Variants in STXBP5 observed in about 807,000 individuals in gnomAD.
STXBP5 encodes syntaxin binding protein 5, also known as syntaxin-binding protein 5.
A neutral mutation model predicts 152.4 loss-of-function variants in STXBP5; 50 were observed. That is an observed-to-expected ratio of 0.33 (90% CI 0.26 to 0.42). The LOEUF (loss-of-function observed/expected upper bound fraction) is 0.42. Ranked by LOEUF, STXBP5 falls within the 10% of genes least tolerant of loss-of-function variation. STXBP5 has a pLI of 1.00. For synonymous variants in STXBP5, 492 were observed against 494.7 expected (o/e 0.99, Z 0.07); for missense variants, 1,167 against 1,388.6 (o/e 0.84, Z 2.54).
chr6:147,389,433 G>A lies in STXBP5; in HGVS notation c.*4678G>A, dbSNP rs1786489598. Reference sequence around the variant, plus strand: ...CAGTCAAATTAATTTTAACAATATAGGCACAATTCATTTACAAATTCAGTA... The same window carrying A: ...CAGTCAAATTAATTTTAACAATATAAGCACAATTCATTTACAAATTCAGTA... On this transcript the variant is annotated 3_prime_UTR_variant, in exon 28 of 28. Transcript: ENST00000321680. 1 of 151,658 alleles carries A rather than the reference G, an allele frequency of 6.6e-6. No homozygotes were observed. Among genetic ancestry groups the A allele is most frequent in the Admixed American group, 6.6e-5 (1 of 15,214 alleles). 9.4% of individuals were successfully genotyped at this position (151,658 alleles called of 1,614,324 possible). A position where few individuals can be genotyped will look rare whatever the true frequency, so the allele number is the denominator to read the frequency against.
In STXBP5 at chr6:147,388,621, A is replaced by G. The variant is rs532801155; in HGVS notation, c.*3866A>G. On this transcript the variant is annotated 3_prime_UTR_variant, in exon 28 of 28. Transcript: ENST00000321680. ...TACAATTAATTTTAAAAAATCATACATCATTTAAAAATCTTCACACATGAA... is the reference window on the plus strand; with the variant it reads ...TACAATTAATTTTAAAAAATCATACGTCATTTAAAAATCTTCACACATGAA... The G allele has an allele frequency of 6.6e-6, 1 of 151,504 alleles. No individual in the cohort carries two copies. The highest frequency in any genetic ancestry group is 1.9e-4 in the East Asian group (1 of 5,150). The allele number at this position is 151,504 out of a possible 1,614,324, so 9.4% of individuals were successfully genotyped here.
intron 7 of STXBP5, among the ~76,000 whole-genome samples, chr6:147,274,397 A>G (rs1433412939): frequency 6.6e-6 from 1 of 152,156 alleles, no homozygotes; most frequent in African/African-American, 2.4e-5. Flanking sequence ...GAGAGAAAGG[A>G]AAAAAAGCTA....
rs755420719 is a variant in STXBP5 at position 147,363,511 on chromosome 6, GA to G, written c.2725del (p.Ile909LeufsTer8). 6.2e-7 allele frequency: 1 copy of G among 1,614,106 alleles called. No homozygotes were observed. The highest frequency in any genetic ancestry group is 8.5e-7 in the Non-Finnish European group (1 of 1,180,000). On this transcript the variant is annotated frameshift_variant, in exon 24 of 28. Coordinates refer to ENST00000321680, the MANE Select transcript of STXBP5 (RefSeq NM_001127715.4). LOFTEE classifies it high-confidence loss of function. ...PVSVSPSSSQ[E>X]ISENQYAVIC... ...CTCAGTATCCCCCTCCTCTTCTCAG[GA>G]AATTAGTGAAAACCAGTATGCAGTG... is the stretch of plus-strand genomic sequence containing the variant.
chr6:147,359,829 A>G (rs1199754961), intron 23 of STXBP5, among the ~76,000 whole-genome samples: 5 of 151,954 alleles, frequency 3.3e-5, no homozygotes, highest in African/African-American at 1.2e-4. Flanking sequence ...CATGGTGTAT[A>G]TGTGCCACAT....
At position 147,383,144 on chromosome 6, in the gene STXBP5, A is replaced by G; in HGVS notation, c.3414+146A>G. 6 of 887,588 alleles carry G rather than the reference A, an allele frequency of 6.8e-6. No individual in the cohort carries two copies. The South Asian group carries it at 1.0e-4, about 15-fold the overall frequency. 55.0% of individuals were successfully genotyped at this position (887,588 alleles called of 1,614,324 possible). The stretch of plus-strand genomic sequence containing the variant: ...TTGCAAGTTCCTGATTTTTGCCACC[A>G]GAGGGAACCATTACAGGAATGTATC... On this transcript the variant is annotated intron_variant, in intron 27 of 27. Transcript: ENST00000321680.
At chr6:147,226,160 A>G (rs1322760549) in intron 2 of STXBP5, among the ~76,000 whole-genome samples, 4 of 152,142 alleles carry the variant, frequency 2.6e-5, no homozygotes, top group African/African-American at 9.6e-5. Flanking sequence ...CAAAAAAGCC[A>G]GGGGTAGTGG....
At chr6:147,359,344 T>TA (rs755891808) in intron 23 of STXBP5, 21 bp downstream of exon 23, 3 of 1,601,970 alleles carry the variant, frequency 1.9e-6, no homozygotes, top group African/African-American at 2.7e-5. Context: ...CTGCTGCACT[T>TA]AGAGTTACAT....
At chr6:147,291,467 A>G (rs1340037742) in intron 9 of STXBP5, among the ~76,000 whole-genome samples, 3 of 152,174 alleles carry the variant, frequency 2.0e-5, no homozygotes, top group African/African-American at 4.8e-5. Context: ...TTTATTCACT[A>G]GTGATCATTG....
chr6:147,254,346 G>A (rs1054983848), intron 4 of STXBP5, among the ~76,000 whole-genome samples: 1 of 152,148 alleles, frequency 6.6e-6, no homozygotes, highest in South Asian at 2.1e-4. Context: ...AACCATAAAA[G>A]AAAACCTATT....
chr6:147,228,138 C>T (rs1350076220), intron 2 of STXBP5, among the ~76,000 whole-genome samples: 1 of 151,580 alleles, frequency 6.6e-6, no homozygotes, highest in African/African-American at 2.4e-5. Flanking sequence ...CCTGTCATTG[C>T]CTTGTTTTGT....
At position 147,260,886 on chromosome 6, in the gene STXBP5, A is replaced by T. The variant is rs1011000883; in HGVS notation, c.566+137A>T. ...TCTTAATATTAAGTACAGATTTATT[A>T]GTTTTTTATGAGTAGTATTTTGACA... On this transcript the variant is annotated intron_variant, in intron 5 of 27. Coordinates refer to ENST00000321680, the MANE Select transcript of STXBP5 (RefSeq NM_001127715.4). The T allele has an allele frequency of 4.4e-6, 5 of 1,145,042 alleles. No homozygotes were observed. The Admixed American group carries it at 1.3e-4, about 29-fold the overall frequency. The allele number at this position is 1,145,042 out of a possible 1,614,324, so 70.9% of individuals were successfully genotyped here.
At chr6:147,253,517 T>G (rs1779202731) in intron 4 of STXBP5, among the ~76,000 whole-genome samples, 1 of 152,156 alleles carries the variant, frequency 6.6e-6, no homozygotes, top group South Asian at 2.1e-4. Flanking sequence ...AGTCAAATTG[T>G]CTCTGTAGAC....
intron 26 of STXBP5, among the ~76,000 whole-genome samples, chr6:147,378,005 C>T (rs1338790493): frequency 6.6e-6 from 1 of 151,964 alleles, no homozygotes; most frequent in Non-Finnish European, 1.5e-5. Context: ...AATTGTTTTA[C>T]CAATTATAAC....
At chr6:147,333,879 G>A (rs1259173534) in intron 18 of STXBP5, among the ~76,000 whole-genome samples, 2 of 152,224 alleles carry the variant, frequency 1.3e-5, no homozygotes, top group African/African-American at 2.4e-5. Flanking sequence ...TTTTTATAAC[G>A]TCAATCACCA....
In STXBP5 at chr6:147,363,434, A is replaced by G. The variant is rs1352493411; in HGVS notation, c.2645A>G (p.Asn882Ser). The change falls in exon 24 of 28, where the codon AAT (asparagine) becomes AGT (serine). Residue 882 changes from asparagine (N) to serine (S), a missense_variant. Transcript: ENST00000321680. The part of the protein sequence containing the change: ...PPAYEPWREH[N>S]VPEEKDEKEK... ...GCGTATGAACCCTGGAGAGAGCACA[A>G]TGTTCCTGAAGAAAAAGACGAAAAG... 1.2e-6 allele frequency: 2 copies of G among 1,614,004 alleles called. No individual in the cohort carries two copies. The highest frequency in any genetic ancestry group is 2.2e-5 in the East Asian group (1 of 44,886).
intron 11 of STXBP5, among the ~76,000 whole-genome samples, chr6:147,312,882 A>C (rs1356396139): frequency 6.6e-6 from 1 of 152,126 alleles, no homozygotes; most frequent in African/African-American, 2.4e-5. Flanking sequence ...GACTTTTCAC[A>C]TGTGATCTGT....
At chr6:147,325,998 G>A (rs750645360) in intron 17 of STXBP5, among the ~76,000 whole-genome samples, 3 of 152,102 alleles carry the variant, frequency 2.0e-5, no homozygotes, top group Admixed American at 6.5e-5. Context: ...TAAAGTATAT[G>A]GGAGACTGTA....
chr6:147,317,550 A>G (rs189712597), intron 16 of STXBP5, among the ~76,000 whole-genome samples: 1 of 152,250 alleles, frequency 6.6e-6, no homozygotes, highest in East Asian at 1.9e-4. Context: ...TCTACAATGG[A>G]CAAGGCAGTG....
chr6:147,232,351 G>T (rs1562425460), intron 2 of STXBP5, among the ~76,000 whole-genome samples: 1 of 151,816 alleles, frequency 6.6e-6, no homozygotes, highest in Non-Finnish European at 1.5e-5. Context: ...CCAGAATTCT[G>T]ATAAACTACC....
Sources: gnomAD v4.1 joint callset for allele counts (sites outside exome capture counted in the v4.1 genomes callset) on GRCh38, gnomAD v4.1.1 for gene constraint, MANE v1.5 for transcripts, NCBI Gene and HGNC (gene_info 2026-07-23, HGNC 2026-07-21) for gene names.